The following SPATC1 variants were observed in gnomAD, a reference collection of about 807,000 sequenced individuals.
The protein encoded by SPATC1 is speriolin.
In SPATC1, 35 loss-of-function variants were observed where a neutral mutation model predicts 36.5. The observed-to-expected ratio is 0.96, with a 90% CI of 0.73 to 1.27. The LOEUF (loss-of-function observed/expected upper bound fraction) is 1.27. Among genes scored for constraint, SPATC1 ranks in the 50% most tolerant of loss-of-function variants. The pLI, the probability that SPATC1 is intolerant of heterozygous loss-of-function variation, is 0.00. For missense variants in SPATC1, 779 were observed against 796.0 expected (o/e 0.98, Z 0.26); for synonymous variants, 361 against 353.6 (o/e 1.02, Z -0.24).
At chr8:144,037,256 G>A (rs1222441825) in intron 1 of SPATC1, among the ~76,000 whole-genome samples, 1 of 148,164 alleles carries the variant, frequency 6.7e-6, no homozygotes, top group East Asian at 2.2e-4. Flanking sequence ...GCCTCTGCCC[G>A]GCCGCCCCTA....
chr8:144,037,543 C>T (rs1237683392), intron 1 of SPATC1, among the ~76,000 whole-genome samples: 1 of 152,066 alleles, frequency 6.6e-6, no homozygotes, highest in Non-Finnish European at 1.5e-5. Context: ...GCGCTGTGTC[C>T]ACTCAGGGTT....
chr8:144,026,912 C>T (rs1363526788), intron 1 of SPATC1, among the ~76,000 whole-genome samples: 4 of 149,928 alleles, frequency 2.7e-5, no homozygotes, highest in African/African-American at 4.9e-5. Context: ...TAGGTTCATG[C>T]CATTCTCCTA....
chr8:144,040,134 CG>C lies in SPATC1; in HGVS notation c.440del (p.Gly147AspfsTer3), dbSNP rs781988184. 1.9e-6 allele frequency: 3 copies of C among 1,608,860 alleles called. No individual in the cohort carries two copies. The African/African-American group carries it at 4.0e-5, about 22-fold the overall frequency. ...PLTSFLTSPIAGPLTGTLASS... is the reference protein window; with the variant it reads ...PLTSFLTSPIXGPLTGTLASS... ...ACCAGCTTCCTGACCAGTCCCATTG[CG>C]GGACCCCTAACAGGCACACTGGCCA... On this transcript the variant is annotated frameshift_variant, in exon 2 of 5. Coordinates refer to ENST00000377470, the MANE Select transcript of SPATC1 (RefSeq NM_198572.3). LOFTEE classifies it high-confidence loss of function.
intron 1 of SPATC1, among the ~76,000 whole-genome samples, chr8:144,024,531 T>TC (rs1234267449): frequency 7.4e-6 from 1 of 135,572 alleles, no homozygotes; most frequent in African/African-American, 2.8e-5. Flanking sequence ...AAGACCCCCT[T>TC]CCCTCAGGAC....
chr8:144,012,209 G>T (rs782023204), upstream of SPATC1, among the ~76,000 whole-genome samples: 5 of 152,230 alleles, frequency 3.3e-5, no homozygotes, highest in Non-Finnish European at 5.9e-5. Flanking sequence ...ATTAACTTGC[G>T]GTGGGGGAGA....
intron 1 of SPATC1, among the ~76,000 whole-genome samples, chr8:144,019,744 G>C (rs1834466005): frequency 6.6e-6 from 1 of 152,020 alleles, no homozygotes; most frequent in Non-Finnish European, 1.5e-5. Flanking sequence ...GTGACAGGTG[G>C]GACAGCCGTC....
Position 144,040,408 on chromosome 8 carries a change from A to C in SPATC1, c.711A>C (p.Gly237=), listed in dbSNP as rs530183567. The C allele has an allele frequency of 6.2e-7, 1 of 1,610,982 alleles. No homozygotes were observed. The highest frequency in any genetic ancestry group is 1.3e-5 in the African/African-American group (1 of 74,960). The stretch of plus-strand genomic sequence containing the variant: ...TGCGGCTGGCTGAGCCACTCCGCGG[A>C]GGCCCCACTGGGCCCCAGTCCCCAG... ...PRLRLAEPLR[G]GPTGPQSPAC... Residue 237 remains glycine (G), a synonymous_variant, in exon 2 of 5, where the codon GGA becomes GGC. Coordinates refer to ENST00000377470, the MANE Select transcript of SPATC1 (RefSeq NM_198572.3).
chr8:144,013,684 G>A (rs538807771), intron 1 of SPATC1, among the ~76,000 whole-genome samples: 16 of 152,230 alleles, frequency 1.1e-4, no homozygotes, highest in East Asian at 5.8e-4. Context: ...GGCCAGGTGC[G>A]GTGGCTCACA....
intron 1 of SPATC1, among the ~76,000 whole-genome samples, chr8:144,039,040 C>T (rs1834988740): frequency 6.6e-6 from 1 of 152,256 alleles, no homozygotes; most frequent in Admixed American, 6.5e-5. Context: ...ATGGAACTAT[C>T]TGTGGCTTTT....
intron 1 of SPATC1, among the ~76,000 whole-genome samples, chr8:144,021,299 A>C: frequency 6.7e-6 from 1 of 149,798 alleles, no homozygotes; most frequent in African/African-American, 2.5e-5. Flanking sequence ...TCCCCTCAGG[A>C]CCCTCTTCCC....
intron 1 of SPATC1, among the ~76,000 whole-genome samples, chr8:144,018,812 A>G (rs1358469774): frequency 1.4e-5 from 2 of 146,986 alleles, no homozygotes; most frequent in East Asian, 2.0e-4. Flanking sequence ...CGGGCAGATG[A>G]CCTGAGGTCA....
Position 144,039,849 on chromosome 8 carries a change from A to G in SPATC1, c.212-60A>G, listed in dbSNP as rs60466718. ...TACCACAGTGACAGAGCCTGTGACC[A>G]CCCTCGCCGTGGTCTGGAGGGGCTC... On this transcript the variant is annotated intron_variant, in intron 1 of 4. Transcript: ENST00000377470. 5.2e-3 allele frequency: 8,012 copies of G among 1,544,438 alleles called. 310 individuals are homozygous for G. In the African/African-American group the frequency reaches 0.091, roughly 18 times the overall value.
chr8:144,025,179 C>T (rs891660027), intron 1 of SPATC1, among the ~76,000 whole-genome samples: 25 of 151,458 alleles, frequency 1.7e-4, no homozygotes, highest in Admixed American at 3.3e-4. Flanking sequence ...GACCCTTTCT[C>T]CTCAGGGCCC....
At chr8:144,012,873 C>A (rs1834308281) in intron 1 of SPATC1, 147 bp downstream of exon 1, 2 of 831,890 alleles carry the variant, frequency 2.4e-6, no homozygotes, top group East Asian at 2.7e-5. Context: ...GCTCACCAGA[C>A]AATGTGCTTC....
chr8:144,031,653 A>T (rs1323121453), intron 1 of SPATC1, among the ~76,000 whole-genome samples: 2 of 149,694 alleles, frequency 1.3e-5, no homozygotes, highest in Middle Eastern at 3.5e-3. Context: ...CATATCTTTC[A>T]CTAAATTTAG....
chr8:144,019,918 C>G (rs1352803875), intron 1 of SPATC1, among the ~76,000 whole-genome samples: 1 of 151,446 alleles, frequency 6.6e-6, no homozygotes, highest in African/African-American at 2.4e-5. Flanking sequence ...ACTGCCTCCC[C>G]CGGGGGCTGC....
At chr8:144,024,368 A>AAGGACCCCCTTCCCTC (rs1199657688) in intron 1 of SPATC1, among the ~76,000 whole-genome samples, 5 of 85,554 alleles carry the variant, frequency 5.8e-5, no homozygotes, top group African/African-American at 9.6e-5. Flanking sequence ...CCTCTCCCCA[A>AAGGACCCCCTTCCCTC]AGGACCCCCT....
rs1554756681 is a variant in SPATC1, at chr8:144,045,892, C to T, written c.1447-735C>T. Among the ~76,000 whole-genome samples the T allele has an allele frequency of 6.6e-6, 1 of 152,236 alleles. No individual in the cohort carries two copies. The highest frequency in any genetic ancestry group is 6.5e-5 in the Admixed American group (1 of 15,292). ...GCGGCAGGCTGAGTGGGAGGGGCTG[C>T]CTTCATGATTACATGCCTTAGGGCG... On this transcript the variant is annotated intron_variant, in intron 4 of 4. Transcript: ENST00000377470. The surrounding 1 kb of genome is among the most constrained non-coding windows in gnomAD (Gnocchi z 5.2).
intron 1 of SPATC1, among the ~76,000 whole-genome samples, chr8:144,034,992 T>C (rs1834869700): frequency 6.6e-6 from 1 of 152,268 alleles, no homozygotes; most frequent in Non-Finnish European, 1.5e-5. Context: ...CATTTCATTG[T>C]GTTCTCATAT....
Sources: allele counts gnomAD v4.1 joint callset (sites outside exome capture counted in the v4.1 genomes callset), GRCh38; gene constraint gnomAD v4.1.1; non-coding constraint Gnocchi (gnomAD v3.1); transcripts MANE v1.5; gene names NCBI Gene and HGNC (gene_info 2026-07-23, HGNC 2026-07-21).